HERC3: variants seen among roughly 807,000 people sequenced by gnomAD.
HERC3 encodes probable E3 ubiquitin-protein ligase HERC3.
In HERC3, 58 loss-of-function variants were observed where a neutral mutation model predicts 129.9. The observed-to-expected ratio is 0.45, with a 90% confidence interval of 0.36 to 0.56. The LOEUF is 0.56. Ranked by LOEUF, HERC3 falls within the 20% of genes least tolerant of loss-of-function variation. The pLI is 0.00. For missense variants in HERC3, 835 were observed against 1,244.2 expected (o/e 0.67, Z 4.95); for synonymous variants, 430 against 451.0 (o/e 0.95, Z 0.59).
At chr4:88,580,896 A>AAT in the HERC3 span, among the ~76,000 whole-genome samples, 1 of 152,220 alleles carries the variant, frequency 6.6e-6, no homozygotes, top group African/African-American at 2.4e-5. Context: ...GTCCGTCCCT[A>AAT]AACGCAGAGA....
At chr4:88,542,492 G>A in the HERC3 span, among the ~76,000 whole-genome samples, 10 of 152,220 alleles carry the variant, frequency 6.6e-5, no homozygotes, top group South Asian at 2.1e-4. Context: ...ATTCACAGCC[G>A]AATTGTACCA....
At chr4:88,669,068 T>G (rs894383070) in intron 14 of HERC3, among the ~76,000 whole-genome samples, 3 of 152,190 alleles carry the variant, frequency 2.0e-5, no homozygotes, top group Non-Finnish European at 4.4e-5. Context: ...AAAGAGAACA[T>G]AATTGTTCAA....
Position 88,704,863 on chromosome 4 carries a change from C to CTTTCTTTCTTTCTTTT in HERC3, c.2944+256_2944+257insCTTTCTTTCTTTTTTT, listed in dbSNP as rs1336673525. On this transcript the variant is annotated intron_variant, in intron 25 of 25. Coordinates refer to ENST00000402738, the MANE Select transcript of HERC3 (RefSeq NM_014606.3). ...TCACTGATTTTTCTTTTCTTTCTTT[C>CTTTCTTTCTTTCTTTT]TTTTTTTTTTTTTTTGAGACAGAGT... Among the ~76,000 whole-genome samples the CTTTCTTTCTTTCTTTT allele has an allele frequency of 4.3e-4, 56 of 130,666 alleles. 1 individual carries two copies. Among genetic ancestry groups the CTTTCTTTCTTTCTTTT allele is most frequent in the African/African-American group, 1.5e-3 (49 of 33,396 alleles). 85.7% of individuals were successfully genotyped at this position (130,666 alleles called of 152,430 possible). A position where few individuals can be genotyped will look rare whatever the true frequency, so the allele number is the denominator to read the frequency against.
chr4:88,546,573 G>A, the HERC3 span, among the ~76,000 whole-genome samples: 3 of 150,210 alleles, frequency 2.0e-5, no homozygotes, highest in African/African-American at 4.9e-5. Flanking sequence ...GCAGTGGTGC[G>A]ATCATGGCTC....
intron 2 of HERC3, among the ~76,000 whole-genome samples, chr4:88,603,829 C>T (rs1456328159): frequency 6.6e-6 from 1 of 152,098 alleles, no homozygotes; most frequent in East Asian, 1.9e-4. Flanking sequence ...GGGTTGTTCC[C>T]TCCTCCTTTC....
the HERC3 span, among the ~76,000 whole-genome samples, chr4:88,555,290 A>AAAAAG: frequency 0.066 from 9,791 of 149,386 alleles, 492 homozygotes; most frequent in East Asian, 0.26. Flanking sequence ...TCAAAAAAAA[A>AAAAAG]AAAAAGAAAA....
At chr4:88,592,780 C>G (rs548571116) in intron 1 of HERC3, among the ~76,000 whole-genome samples, 9 of 151,888 alleles carry the variant, frequency 5.9e-5, no homozygotes, top group African/African-American at 1.9e-4. Context: ...GCGCGGCGCC[C>G]TTAGTACCCT....
the HERC3 span, among the ~76,000 whole-genome samples, chr4:88,571,323 T>C: frequency 6.6e-6 from 1 of 152,206 alleles, no homozygotes; most frequent in Non-Finnish European, 1.5e-5. Flanking sequence ...AATAAACAGA[T>C]AATATACAAA....
At chr4:88,529,246 T>G in the HERC3 span, among the ~76,000 whole-genome samples, 1 of 152,186 alleles carries the variant, frequency 6.6e-6, no homozygotes, top group African/African-American at 2.4e-5. Context: ...GGAGGATTGC[T>G]TGAGGCCAGG....
chr4:88,574,072 C>T, the HERC3 span, among the ~76,000 whole-genome samples: 180 of 152,264 alleles, frequency 1.2e-3, no homozygotes, highest in African/African-American at 3.3e-3. Flanking sequence ...CTACCTCCTC[C>T]GCCCCCAGAA....
At chr4:88,554,010 C>T in the HERC3 span, among the ~76,000 whole-genome samples, 4 of 152,166 alleles carry the variant, frequency 2.6e-5, no homozygotes, top group Admixed American at 1.3e-4. Flanking sequence ...AAAAGAAGAC[C>T]GTTGGGCAGA....
In HERC3 at chr4:88,662,433, T is replaced by C; in HGVS notation, c.1149T>C (p.Asn383=). Residue 383 remains asparagine (N), a splice_region_variant and synonymous_variant, in exon 11 of 26, where the codon AAT becomes AAC. Coordinates refer to ENST00000402738, the MANE Select transcript of HERC3 (RefSeq NM_014606.3). ...QTFVLCSKYE[N]YSPAVDFRTM... is the part of the protein sequence containing the mutation. ...TACTGTTACATTTAATTCTCCAGAA[T>C]TATTCTCCTGCTGTTGACTTCAGGA... The C allele has an allele frequency of 6.2e-7, 1 of 1,606,114 alleles. No individual in the cohort carries two copies.
At position 88,690,567 on chromosome 4, in the gene HERC3, C is replaced by T. The variant is rs1312681972; in HGVS notation, c.2657+3268C>T. 7.1e-6 allele frequency: 7 copies of T among 985,020 alleles called. No homozygotes were observed. In the African/African-American group the frequency reaches 1.0e-4, roughly 15 times the overall value. The allele number at this position is 985,020 out of a possible 1,614,324, so 61.0% of individuals were successfully genotyped here. ...AGAGTGTCCTCATCCTCTGCTGAGT[C>T]ATCATAGTGCTCTGTGAGTATGATA... On this transcript the variant is annotated intron_variant, in intron 23 of 25. Coordinates refer to ENST00000402738, the MANE Select transcript of HERC3 (RefSeq NM_014606.3).
chr4:88,649,542 C>T (rs1047200534), intron 3 of HERC3, among the ~76,000 whole-genome samples: 5 of 152,080 alleles, frequency 3.3e-5, no homozygotes, highest in African/African-American at 1.2e-4. Flanking sequence ...GTACAGGCTT[C>T]TCCCTGGAGA....
At chr4:88,686,072 A>G (rs1733417914) in intron 21 of HERC3, among the ~76,000 whole-genome samples, 1 of 152,054 alleles carries the variant, frequency 6.6e-6, no homozygotes, top group Non-Finnish European at 1.5e-5. Flanking sequence ...ATTTTTATGG[A>G]CACATTTGGC....
intron 4 of HERC3, among the ~76,000 whole-genome samples, chr4:88,650,201 G>T (rs934852155): frequency 6.6e-6 from 1 of 152,184 alleles, no homozygotes; most frequent in Non-Finnish European, 1.5e-5. Flanking sequence ...ATGTGAGTCG[G>T]TTGGGAACTG....
At chr4:88,595,888 G>A (rs1326696091) in intron 2 of HERC3, among the ~76,000 whole-genome samples, 1 of 122,156 alleles carries the variant, frequency 8.2e-6, no homozygotes, top group African/African-American at 3.2e-5. Context: ...TCTGGCTGTC[G>A]CCCACGCTGG....
the HERC3 span, among the ~76,000 whole-genome samples, chr4:88,578,845 G>A: frequency 2.0e-4 from 31 of 152,084 alleles, no homozygotes; most frequent in Non-Finnish European, 3.2e-4. Flanking sequence ...GTGGGAAAGA[G>A]GTGGAGACAG....
intron 3 of HERC3, among the ~76,000 whole-genome samples, chr4:88,645,069 C>T (rs901258050): frequency 6.6e-6 from 1 of 152,028 alleles, no homozygotes; most frequent in Admixed American, 6.6e-5. Flanking sequence ...TTGTTTTGAG[C>T]GGTTTGCCGA....
Sources: gnomAD v4.1 joint callset for allele counts (sites outside exome capture counted in the v4.1 genomes callset) on GRCh38, gnomAD v4.1.1 for gene constraint, MANE v1.5 for transcripts, NCBI Gene and HGNC (gene_info 2026-07-23, HGNC 2026-07-21) for gene names.